The following NLRP5 variants were observed in gnomAD, a reference collection of about 807,000 sequenced individuals.
NLRP5 encodes NLR family pyrin domain containing 5.
Under a neutral mutation model 113.1 loss-of-function variants are expected in NLRP5, and 93 were observed. That is an observed-to-expected ratio of 0.82 (90% CI 0.70 to 0.98). NLRP5 has a LOEUF of 0.98. Among genes scored for constraint, NLRP5 ranks in the 50% least tolerant of loss-of-function variants. The pLI is 0.00. For missense variants in NLRP5, 1,808 were observed against 1,514.3 expected (o/e 1.19, Z -3.22); for synonymous variants, 751 against 600.7 (o/e 1.25, Z -3.66).
intron 13 of NLRP5, among the ~76,000 whole-genome samples, chr19:56,056,010 G>A (rs1253320200): frequency 6.6e-6 from 1 of 152,170 alleles, no homozygotes; most frequent in East Asian, 1.9e-4. Flanking sequence ...GCTGTTGTGT[G>A]CAGTCAGGGA....
chr19:56,058,375 C>T lies in NLRP5; in HGVS notation c.3435C>T (p.Ala1145=). 1 of 1,613,966 alleles carries T rather than the reference C, an allele frequency of 6.2e-7. No homozygotes were observed. The highest frequency in any genetic ancestry group is 8.5e-7 in the Non-Finnish European group (1 of 1,179,872). The change falls in exon 14 of 15, where the codon GCC becomes GCT. Residue 1145 remains alanine (A), a synonymous_variant. Transcript: ENST00000390649. ...AAGGAATGATGAAGCTGTGTTCGGC[C>T]TTTGCCTGTCCCACGTCTAACTTAC... is the stretch of plus-strand genomic sequence containing the variant.
intron 14 of NLRP5, among the ~76,000 whole-genome samples, chr19:56,060,133 G>A (rs79705438): frequency 0.035 from 5,305 of 152,260 alleles, 126 homozygotes; most frequent in African/African-American, 0.061. Flanking sequence ...TTATATCCTT[G>A]ATTTATGAGG....
intron 6 of NLRP5, among the ~76,000 whole-genome samples, chr19:56,021,480 A>G (rs1982615205): frequency 6.6e-6 from 1 of 152,074 alleles, no homozygotes; most frequent in Non-Finnish European, 1.5e-5. Flanking sequence ...TGCAGTCACC[A>G]GTTTCCTCTC....
At chr19:56,029,864 G>A (rs1599894772) in intron 7 of NLRP5, among the ~76,000 whole-genome samples, 1 of 151,554 alleles carries the variant, frequency 6.6e-6, no homozygotes, top group East Asian at 2.0e-4. Flanking sequence ...AGACCAGCCT[G>A]GCCAACATAG....
intron 7 of NLRP5, 67 bp downstream of exon 7, chr19:56,028,576 G>C: frequency 7.0e-7 from 1 of 1,433,934 alleles, no homozygotes; most frequent in Non-Finnish European, 9.5e-7. Context: ...GCTGGGACTT[G>C]ACATGACTTC....
intron 11 of NLRP5, among the ~76,000 whole-genome samples, chr19:56,041,457 A>G (rs981624137): frequency 2.0e-5 from 3 of 152,142 alleles, no homozygotes; most frequent in African/African-American, 4.8e-5. Context: ...TCAATCGATG[A>G]AAATGTATTT....
intron 6 of NLRP5, among the ~76,000 whole-genome samples, chr19:56,022,696 T>C (rs1190126579): frequency 6.6e-6 from 1 of 152,134 alleles, no homozygotes; most frequent in Non-Finnish European, 1.5e-5. Context: ...TATGAGAGAA[T>C]ATTTTTTGTT....
At chr19:55,999,281 C>A (rs1393780179), upstream of NLRP5, among the ~76,000 whole-genome samples, 1 of 136,142 alleles carries the variant, frequency 7.3e-6, no homozygotes, top group Non-Finnish European at 1.5e-5. Context: ...ATGCCACAAT[C>A]TTGGCTCACT....
intron 6 of NLRP5, among the ~76,000 whole-genome samples, chr19:56,023,844 T>C (rs2123298002): frequency 6.6e-6 from 1 of 152,324 alleles, no homozygotes; most frequent in South Asian, 2.1e-4. Context: ...AGAATTTTTA[T>C]GTGGAGACTT....
chr19:56,021,562 A>G (rs902963089), intron 6 of NLRP5, among the ~76,000 whole-genome samples: 3 of 152,152 alleles, frequency 2.0e-5, no homozygotes, highest in African/African-American at 7.2e-5. Context: ...GGTCATGTAG[A>G]TGGAATCATA....
rs1010939320 is a variant in NLRP5, at chr19:56,052,260, T to C, written c.3129-1378T>C. Among the ~76,000 whole-genome samples the C allele has an allele frequency of 3.5e-4, 53 of 152,110 alleles. 3 individuals carry two copies. The Middle Eastern group carries it at 0.031, about 88-fold the overall frequency. Reference sequence around the variant, plus strand: ...GGTTTTGTTTTGTTTTGTTTTTGTTTTTGTTTTTGTTTCTGTTTTTGTTTT... The same window carrying C: ...GGTTTTGTTTTGTTTTGTTTTTGTTCTTGTTTTTGTTTCTGTTTTTGTTTT... On this transcript the variant is annotated intron_variant, in intron 12 of 14. Transcript: ENST00000390649.
chr19:56,005,505 T>TAC (rs199499771), intron 2 of NLRP5, among the ~76,000 whole-genome samples: 10,911 of 126,196 alleles, frequency 0.086, 854 homozygotes, highest in South Asian at 0.1. Flanking sequence ...GGCATGCCTG[T>TAC]ACACATATAT....
intron 7 of NLRP5, 110 bp from the exon 8 acceptor site, chr19:56,032,501 C>T: frequency 1.1e-6 from 1 of 932,666 alleles, no homozygotes; most frequent in Non-Finnish European, 1.6e-6. Flanking sequence ...GCCTCTAAAG[C>T]CACCGTGGTC....
intron 2 of NLRP5, among the ~76,000 whole-genome samples, chr19:56,006,425 T>C (rs1468553663): frequency 7.3e-6 from 1 of 137,792 alleles, no homozygotes; most frequent in Non-Finnish European, 1.6e-5. Flanking sequence ...AAAGTATAAT[T>C]TTAAAAAAAA....
At position 56,061,560 on chromosome 19, in the gene NLRP5, C is replaced by T. The variant is rs912790244; in HGVS notation, c.*32C>T. The T allele has an allele frequency of 4.3e-6, 7 of 1,612,522 alleles. No individual in the cohort carries two copies. Among genetic ancestry groups the T allele is most frequent in the Non-Finnish European group, 5.9e-6 (7 of 1,178,924 alleles). On this transcript the variant is annotated 3_prime_UTR_variant, in exon 15 of 15. Transcript: ENST00000390649. ...GGAAACCTGCCCCACTCACACCCATCTGATGGAGGAACTTTAAACGCTGTT... is the reference window on the plus strand; with the variant it reads ...GGAAACCTGCCCCACTCACACCCATTTGATGGAGGAACTTTAAACGCTGTT...
At chr19:56,058,124 T>G in intron 13 of NLRP5, 116 bp from the exon 14 acceptor site, 2 of 853,900 alleles carry the variant, frequency 2.3e-6, no homozygotes. Flanking sequence ...TTTTTGTTTG[T>G]TTTTGTTTTG....
rs563688160 is a variant in NLRP5 at position 56,042,845 on chromosome 19, C to T, written c.2957+1753C>T. On this transcript the variant is annotated intron_variant, in intron 11 of 14. Coordinates refer to ENST00000390649, the MANE Select transcript of NLRP5 (RefSeq NM_153447.4). Reference sequence around the variant, plus strand: ...GCTCCCACATATCAGTGAAAATATACGATGTTTGGTTTTCCATTCCTGAGT... The same window carrying T: ...GCTCCCACATATCAGTGAAAATATATGATGTTTGGTTTTCCATTCCTGAGT... 1.9e-3 allele frequency among the ~76,000 whole-genome samples: 289 copies of T among 152,182 alleles called. 2 individuals are homozygous for T. Among genetic ancestry groups the T allele is most frequent in the African/African-American group, 6.7e-3 (277 of 41,516 alleles).
At position 56,026,777 on chromosome 19, in the gene NLRP5, C is replaced by T. The variant is rs900160711; in HGVS notation, c.680-136C>T. The T allele has an allele frequency of 1.2e-5, 10 of 836,164 alleles. 1 individual carries two copies. The highest frequency in any genetic ancestry group is 1.8e-5 in the South Asian group (1 of 54,832). The allele number at this position is 836,164 out of a possible 1,614,324, so 51.8% of individuals were successfully genotyped here. ...GTATTTATTAGAGACGGGGCTTTGCCATTGACCAGGCTGGTCTCAAACTCC... is the reference window on the plus strand; with the variant it reads ...GTATTTATTAGAGACGGGGCTTTGCTATTGACCAGGCTGGTCTCAAACTCC... On this transcript the variant is annotated intron_variant, in intron 6 of 14. Transcript: ENST00000390649.
At chr19:56,007,474 C>T (rs1400881013) in intron 2 of NLRP5, among the ~76,000 whole-genome samples, 3 of 150,390 alleles carry the variant, frequency 2.0e-5, no homozygotes, top group African/African-American at 5.0e-5. Flanking sequence ...GAGGAGTTGG[C>T]GGAGTTGCCT....
Sources: allele counts gnomAD v4.1 joint callset (sites outside exome capture counted in the v4.1 genomes callset), GRCh38; gene constraint gnomAD v4.1.1; transcripts MANE v1.5; gene names NCBI Gene and HGNC (gene_info 2026-07-23, HGNC 2026-07-21).